The following WDR59 variants were observed in gnomAD, a reference collection of about 807,000 sequenced individuals.
WDR59 encodes WD repeat domain 59, also known as GATOR2 complex protein WDR59.
In WDR59, 100 loss-of-function variants were observed where a neutral mutation model predicts 131.2. That is an observed-to-expected ratio of 0.76 (90% CI 0.65 to 0.90). The LOEUF is 0.90. WDR59 is among the 40% of genes least tolerant of loss of function. WDR59 has a pLI of 0.00. For missense variants in WDR59, 1,203 were observed against 1,262.2 expected, an observed-to-expected ratio of 0.95 and a Z score of 0.71; for synonymous variants, 601 against 466.2, an observed-to-expected ratio of 1.29 and a Z score of -3.72.
intron 2 of WDR59, among the ~76,000 whole-genome samples, chr16:74,961,241 G>A (rs1290171854): frequency 2.0e-5 from 3 of 151,930 alleles, no homozygotes; most frequent in Non-Finnish European, 4.4e-5. Flanking sequence ...CCTGGAAGTC[G>A]AGACTGCAGT....
chr16:74,877,465 C>G (rs1964271733), intron 25 of WDR59, among the ~76,000 whole-genome samples: 1 of 152,184 alleles, frequency 6.6e-6, no homozygotes, highest in African/African-American at 2.4e-5. Flanking sequence ...GCTTTTGAAT[C>G]ACATTAAACA....
chr16:74,944,556 C>A (rs892968832), intron 6 of WDR59, among the ~76,000 whole-genome samples: 1 of 151,600 alleles, frequency 6.6e-6, no homozygotes. Context: ...GGAATACTCA[C>A]AACGTGACTC....
chr16:74,885,945 G>A (rs1437611846), intron 24 of WDR59, 150 bp from the exon 25 acceptor site: 1 of 952,932 alleles, frequency 1.0e-6, no homozygotes, highest in East Asian at 2.7e-5. Flanking sequence ...GGGAGGCTGA[G>A]GCGGGTGGAT....
chr16:74,921,896 G>A (rs1472487149), intron 10 of WDR59, 51 bp downstream of exon 10: 11 of 1,583,616 alleles, frequency 6.9e-6, no homozygotes, highest in Admixed American at 3.5e-5. Flanking sequence ...GACTGGCACC[G>A]CTGTCACCAG....
At chr16:74,925,365 G>A (rs1363579701) in intron 8 of WDR59, among the ~76,000 whole-genome samples, 1 of 151,946 alleles carries the variant, frequency 6.6e-6, no homozygotes, top group Non-Finnish European at 1.5e-5. Context: ...CCAACATGGC[G>A]AAACCCCATC....
In WDR59 at chr16:74,904,042, T is replaced by G; in HGVS notation, c.1771A>C (p.Thr591Pro). ...TGLIAPMKIR[T>P]EAPGNLRLYS... ...AAACGAAGGTTCCCAGGGGCCTCTG[T>G]GCGGATCTTCATGGGCGCGATCAAG... The change falls in exon 18 of 26, where the codon ACA becomes CCA. Residue 591 changes from threonine to proline, a missense_variant. Transcript: ENST00000262144. The G allele has an allele frequency of 6.2e-7, 1 of 1,613,340 alleles. No homozygotes were observed. Among genetic ancestry groups the G allele is most frequent in the South Asian group, 1.1e-5 (1 of 90,820 alleles).
rs536625205 is a variant in WDR59 at position 74,942,442 on chromosome 16, T to C, written c.534+296A>G. ...CACACACACTGTTAGTGTCTTTATT[T>C]TGAAGGAAACTGAGGTTAAGAGAAG... On this transcript the variant is annotated intron_variant, in intron 7 of 25. Transcript: ENST00000262144. 3.3e-5 allele frequency among the ~76,000 whole-genome samples: 5 copies of C among 152,246 alleles called. No homozygotes were observed. The South Asian group carries it at 6.2e-4, about 19-fold the overall frequency.
chr16:74,951,488 G>C lies in WDR59; in HGVS notation c.296C>G (p.Thr99Arg). The stretch of plus-strand genomic sequence containing the variant: ...GACACGAGTGTGGCCTTGTAAGGTT[G>C]TGCCAACTTCCCCACTGCCGTCTTT... ...KWKDGSGEVG[T>R]TLQGHTRVIS... Residue 99 changes from threonine to arginine, a missense_variant, in exon 4 of 26, where the codon ACA becomes AGA. Transcript: ENST00000262144. 1 of 1,603,120 alleles carries C rather than the reference G, an allele frequency of 6.2e-7. No homozygotes were observed.
At chr16:74,956,321 C>T (rs755509911) in intron 3 of WDR59, among the ~76,000 whole-genome samples, 154 bp downstream of exon 3, 5 of 152,144 alleles carry the variant, frequency 3.3e-5, no homozygotes, top group Non-Finnish European at 5.9e-5. Flanking sequence ...ATATTTAATC[C>T]GTAACTTGCC....
Position 74,951,061 on chromosome 16 carries a change from G to A in WDR59, c.326+397C>T, listed in dbSNP as rs370044158. On this transcript the variant is annotated intron_variant, in intron 4 of 25. Coordinates refer to ENST00000262144, the MANE Select transcript of WDR59 (RefSeq NM_030581.4). Reference sequence around the variant, plus strand: ...TATAATCCCAGCTATTCTGGAGGCTGAGGCAGGACAATCACTTGAACCCAG... The same window carrying A: ...TATAATCCCAGCTATTCTGGAGGCTAAGGCAGGACAATCACTTGAACCCAG... 2.2e-4 allele frequency among the ~76,000 whole-genome samples: 33 copies of A among 150,684 alleles called. 3 individuals are homozygous for A. In the South Asian group the frequency reaches 3.1e-3, roughly 14 times the overall value.
chr16:74,905,604 C>T (rs770910720), intron 17 of WDR59, among the ~76,000 whole-genome samples: 5 of 151,740 alleles, frequency 3.3e-5, no homozygotes, highest in Non-Finnish European at 5.9e-5. Flanking sequence ...ATGGCATCAA[C>T]CTGAGAGGTG....
At chr16:74,899,699 G>A (rs745465938) in intron 18 of WDR59, 42 of 1,288,964 alleles carry the variant, frequency 3.3e-5, no homozygotes, top group African/African-American at 4.6e-5. Context: ...GCACAGTACC[G>A]GGAAGTCGTT....
intron 4 of WDR59, among the ~76,000 whole-genome samples, chr16:74,950,193 T>G (rs2032914195): frequency 1.3e-5 from 2 of 151,992 alleles, no homozygotes. Flanking sequence ...AACACAAAAA[T>G]TAGCCAGGCG....
At chr16:74,951,668 C>T (rs187895805) in intron 3 of WDR59, 125 bp from the exon 4 acceptor site, 2 of 806,998 alleles carry the variant, frequency 2.5e-6, no homozygotes, top group Non-Finnish European at 4.1e-6. Flanking sequence ...TCAGGCTGAA[C>T]TTTTCTTTAA....
At chr16:74,941,197 TG>T (rs1478344881) in intron 7 of WDR59, among the ~76,000 whole-genome samples, 1 of 151,330 alleles carries the variant, frequency 6.6e-6, no homozygotes, top group East Asian at 2.0e-4. Context: ...TTTAATTGGC[TG>T]GGTGTGGTGG....
At chr16:74,976,411 T>C (rs993165059) in intron 1 of WDR59, among the ~76,000 whole-genome samples, 1 of 151,922 alleles carries the variant, frequency 6.6e-6, no homozygotes. Flanking sequence ...TTTATGAATC[T>C]AGGATACGAA....
intron 6 of WDR59, 129 bp downstream of exon 6, chr16:74,948,390 G>A (rs113841447): frequency 1.4e-5 from 12 of 883,978 alleles, no homozygotes; most frequent in East Asian, 4.9e-5. Flanking sequence ...ACTCAGCCAC[G>A]GCGCAGCCCA....
At chr16:74,886,460 G>A in intron 23 of WDR59, 64 bp from the exon 24 acceptor site, 1 of 1,588,220 alleles carries the variant, frequency 6.3e-7, no homozygotes, top group Non-Finnish European at 8.6e-7. Flanking sequence ...TATCTGAAGA[G>A]TCTCATAAGA....
At chr16:74,915,832 A>G in intron 13 of WDR59, 38 bp downstream of exon 13, 1 of 1,613,048 alleles carries the variant, frequency 6.2e-7, no homozygotes. Context: ...ACAAACTGCC[A>G]TCAGCAAACA....
Sources: gnomAD v4.1 joint callset for allele counts (sites outside exome capture counted in the v4.1 genomes callset) on GRCh38, gnomAD v4.1.1 for gene constraint, MANE v1.5 for transcripts, NCBI Gene and HGNC (gene_info 2026-07-23, HGNC 2026-07-21) for gene names.